The following SREBF2 variants were observed in gnomAD, a reference collection of about 807,000 sequenced individuals.
SREBF2 encodes the protein sterol regulatory element binding transcription factor 2.
SREBF2 carries 55 observed loss-of-function variants against 113.1 expected under a neutral mutation model. The observed-to-expected ratio is 0.49, with a 90% CI of 0.39 to 0.61. The LOEUF (loss-of-function observed/expected upper bound fraction) is 0.61, where lower values mean the gene tolerates loss of function less well. Among genes scored for constraint, SREBF2 ranks in the 20% least tolerant of loss-of-function variants. The pLI is 0.00. For synonymous variants in SREBF2, 593 were observed against 605.7 expected, an observed-to-expected ratio of 0.98 and a Z score of 0.31; for missense variants, 1,349 against 1,487.4, an observed-to-expected ratio of 0.91 and a Z score of 1.53.
At chr22:41,878,524 G>T (rs1362703676) in intron 9 of SREBF2, 3 of 472,768 alleles carry the variant, frequency 6.3e-6, no homozygotes, top group Non-Finnish European at 1.2e-5. Context: ...GCAAAGGCTG[G>T]TAGTGTGTCT....
chr22:41,894,799 C>G (rs762254240), intron 12 of SREBF2, 21 bp from the exon 13 acceptor site: 4 of 1,608,168 alleles, frequency 2.5e-6, no homozygotes, highest in Non-Finnish European at 3.4e-6. Context: ...ATTTAACCCC[C>G]CTTGCCTGTC....
At chr22:41,849,118 G>T (rs565650786) in intron 1 of SREBF2, among the ~76,000 whole-genome samples, 1 of 152,096 alleles carries the variant, frequency 6.6e-6, no homozygotes, top group Non-Finnish European at 1.5e-5. Flanking sequence ...ATTCCAGCAG[G>T]TTCCTCTTGT....
rs772972331 is a variant in SREBF2, at chr22:41,893,270, G to A, written c.2362G>A (p.Ala788Thr). 1 of 1,614,188 alleles carries A rather than the reference G, an allele frequency of 6.2e-7. No individual in the cohort carries two copies. Among genetic ancestry groups the A allele is most frequent in the South Asian group, 1.1e-5 (1 of 91,088 alleles). The change falls in exon 12 of 19, where the codon GCC becomes ACC. Residue 788 changes from alanine (A) to threonine (T), a missense_variant. Transcript: ENST00000361204. ...AGCTGCCAAGGAGAGTCTATACTGT[G>A]CCCAGAGGAACCCAGGTGAGAATAC... The part of the protein sequence containing the change: ...KSAAKESLYC[A>T]QRNPADPIAQ...
Position 41,894,870 on chromosome 22 carries a change from C to T in SREBF2, c.2428C>T (p.Arg810Ter), listed in dbSNP as rs747110728. Residue 810 changes from arginine to a stop codon, truncating the protein, a stop_gained, in exon 13 of 19, where the codon CGA (arginine) becomes TGA (stop). Transcript: ENST00000361204. LOFTEE classifies it high-confidence loss of function. ...HQAFCKNLLERAIESLVKPQA... is the reference protein window; with the variant it reads ...HQAFCKNLLE Reference sequence around the variant, plus strand: ...GGCCTTCTGCAAGAACCTGCTGGAGCGAGCTATAGAGTCCTTGGTGAAACC... The same window carrying T: ...GGCCTTCTGCAAGAACCTGCTGGAGTGAGCTATAGAGTCCTTGGTGAAACC... 4 of 1,614,104 alleles carry T rather than the reference C, an allele frequency of 2.5e-6. No homozygotes were observed. The highest frequency in any genetic ancestry group is 3.3e-5 in the Admixed American group (2 of 60,018).
At chr22:41,897,795 C>A (rs1311963774) in intron 14 of SREBF2, among the ~76,000 whole-genome samples, 3 of 152,208 alleles carry the variant, frequency 2.0e-5, no homozygotes, top group Non-Finnish European at 4.4e-5. Flanking sequence ...CTATCATGAT[C>A]CCTGACCTGT....
At chr22:41,855,370 A>G (rs1044656287) in intron 1 of SREBF2, among the ~76,000 whole-genome samples, 3 of 152,114 alleles carry the variant, frequency 2.0e-5, no homozygotes, top group Non-Finnish European at 2.9e-5. Context: ...TACTAAAAAT[A>G]CAAAAATTAG....
At chr22:41,902,595 A>G (rs1427297224) in intron 16 of SREBF2, among the ~76,000 whole-genome samples, 1 of 152,058 alleles carries the variant, frequency 6.6e-6, no homozygotes, top group Non-Finnish European at 1.5e-5. Flanking sequence ...TGGGTATCTC[A>G]GCCTCCTAGC....
intron 1 of SREBF2, among the ~76,000 whole-genome samples, chr22:41,850,001 G>A (rs1429344451): frequency 1.3e-5 from 2 of 151,570 alleles, no homozygotes; most frequent in African/African-American, 2.4e-5. Flanking sequence ...TTAGCCGGGC[G>A]TAGTGGCACA....
intron 4 of SREBF2, among the ~76,000 whole-genome samples, chr22:41,873,071 C>T (rs1274629066): frequency 6.6e-6 from 1 of 152,084 alleles, no homozygotes; most frequent in Non-Finnish European, 1.5e-5. Context: ...GTGGCGCATG[C>T]CTGTAATCCA....
At chr22:41,887,402 C>A (rs2077309617) in intron 11 of SREBF2, among the ~76,000 whole-genome samples, 1 of 152,182 alleles carries the variant, frequency 6.6e-6, no homozygotes, top group Non-Finnish European at 1.5e-5. Context: ...TCCCCCAAGC[C>A]TTCCAGCCTT....
intron 1 of SREBF2, among the ~76,000 whole-genome samples, chr22:41,862,992 A>C (rs1319743481): frequency 2.0e-5 from 3 of 152,194 alleles, no homozygotes; most frequent in Non-Finnish European, 4.4e-5. Context: ...TTACTTCACC[A>C]CACCAGCCCA....
intron 9 of SREBF2, 128 bp from the exon 10 acceptor site, chr22:41,880,580 TTTCTGAAG>T: frequency 8.6e-7 from 1 of 1,166,860 alleles, no homozygotes; most frequent in East Asian, 2.3e-5. Flanking sequence ...TTCTTGTAGC[TTTCTGAAG>T]TTTCCCTCGT....
chr22:41,882,758 A>G (rs1193989090), intron 10 of SREBF2, among the ~76,000 whole-genome samples: 2 of 152,220 alleles, frequency 1.3e-5, no homozygotes, highest in African/African-American at 2.4e-5. Context: ...GTGAGCCAAG[A>G]TGGCACCACT....
chr22:41,902,542 C>T (rs994069306), intron 16 of SREBF2, among the ~76,000 whole-genome samples: 5 of 152,146 alleles, frequency 3.3e-5, no homozygotes, highest in African/African-American at 7.2e-5. Flanking sequence ...CCAGCCCCAT[C>T]GACAGGCTCT....
intron 9 of SREBF2, among the ~76,000 whole-genome samples, chr22:41,879,918 T>A (rs2077229521): frequency 6.6e-6 from 1 of 152,110 alleles, no homozygotes; most frequent in African/African-American, 2.4e-5. Flanking sequence ...AAAACCATGG[T>A]TCTCAAACTT....
In SREBF2 at chr22:41,833,600, G is replaced by T; in HGVS notation, c.88+242G>T. 1 of 414,916 alleles carries T rather than the reference G, an allele frequency of 2.4e-6. No homozygotes were observed. Among genetic ancestry groups the T allele is most frequent in the Non-Finnish European group, 4.2e-6 (1 of 236,922 alleles). 25.7% of individuals were successfully genotyped at this position (414,916 alleles called of 1,614,324 possible). A position where few individuals can be genotyped will look rare whatever the true frequency, so the allele number is the denominator to read the frequency against. On this transcript the variant is annotated intron_variant, in intron 1 of 18. Coordinates refer to ENST00000361204, the MANE Select transcript of SREBF2 (RefSeq NM_004599.4). This position sits in a 1 kb window ranked among gnomAD's most constrained non-coding sequence, Gnocchi z 4.1. ...CCGCGGGGCCGAAAGCGGCGCGAGG[G>T]TCGCGGGTTCCAGAGCGCGGGGCTA...
chr22:41,874,229 C>T (rs1306405420), intron 5 of SREBF2, among the ~76,000 whole-genome samples: 3 of 152,082 alleles, frequency 2.0e-5, no homozygotes, highest in Admixed American at 6.6e-5. Flanking sequence ...GGCAGTGACC[C>T]GCTGAGACCT....
chr22:41,872,103 A>G (rs2077149746), intron 4 of SREBF2, among the ~76,000 whole-genome samples: 1 of 151,642 alleles, frequency 6.6e-6, no homozygotes, highest in African/African-American at 2.4e-5. Flanking sequence ...ACAAAAAATT[A>G]GCCGGGCATG....
chr22:41,867,213 C>T lies in SREBF2; in HGVS notation c.471C>T (p.Ser157=), dbSNP rs757925451. 3.9e-5 allele frequency: 63 copies of T among 1,614,094 alleles called. 1 individual carries two copies. The East Asian group carries it at 5.8e-4, about 15-fold the overall frequency. The change falls in exon 2 of 19, where the codon AGC becomes AGT. Residue 157 remains serine (S), a synonymous_variant. Transcript: ENST00000361204. ...QQTVMITPTF[S]TTPQTRIIQQ... ...CGGTAATGATCACGCCAACATTCAG[C>T]ACCACTCCGCAGACGAGGATCATCC...
Sources: allele counts gnomAD v4.1 joint callset (sites outside exome capture counted in the v4.1 genomes callset), GRCh38; gene constraint gnomAD v4.1.1; non-coding constraint Gnocchi (gnomAD v3.1); transcripts MANE v1.5; gene names NCBI Gene and HGNC (gene_info 2026-07-23, HGNC 2026-07-21).